The following EBF1 variants were observed in gnomAD, a reference collection of about 807,000 sequenced individuals.
EBF1 encodes EBF transcription factor 1.
A neutral mutation model predicts 68.4 loss-of-function variants in EBF1; 10 were observed. The observed-to-expected ratio is 0.15, with a 90% confidence interval of 0.09 to 0.25. The LOEUF (loss-of-function observed/expected upper bound fraction) is 0.25. Ranked by LOEUF, EBF1 falls within the 10% of genes least tolerant of loss-of-function variation. The pLI is 1.00. For synonymous variants in EBF1, 298 were observed against 299.8 expected (o/e 0.99, Z 0.06); for missense variants, 509 against 794.4 (o/e 0.64, Z 4.32).
intron 6 of EBF1, among the ~76,000 whole-genome samples, chr5:158,842,061 G>C (rs750752815): frequency 3.9e-5 from 6 of 152,184 alleles, no homozygotes; most frequent in Non-Finnish European, 7.3e-5. Context: ...ATCTGATTTT[G>C]AGCTCTCCTT....
At chr5:158,942,986 A>AGAGGAAGG (rs1367475962) in intron 6 of EBF1, among the ~76,000 whole-genome samples, 1 of 114,648 alleles carries the variant, frequency 8.7e-6, no homozygotes, top group African/African-American at 3.3e-5. Context: ...AAGGAGGAAG[A>AGAGGAAGG]GAGGAAGGGA....
At chr5:158,892,533 C>A (rs190188039) in intron 6 of EBF1, among the ~76,000 whole-genome samples, 1 of 152,290 alleles carries the variant, frequency 6.6e-6, no homozygotes. Flanking sequence ...TAAGTGCCAA[C>A]ATGACACAAG....
chr5:158,761,323 T>C (rs1468948464), intron 10 of EBF1, among the ~76,000 whole-genome samples: 3 of 152,240 alleles, frequency 2.0e-5, no homozygotes, highest in Non-Finnish European at 4.4e-5. Flanking sequence ...TGCTGTCGGT[T>C]TGCTCCAAGC....
chr5:158,740,272 C>T (rs1766048194), intron 10 of EBF1, among the ~76,000 whole-genome samples: 1 of 152,102 alleles, frequency 6.6e-6, no homozygotes. Flanking sequence ...CGAAGAAATC[C>T]TTCCCTGAGC....
chr5:158,982,582 A>C (rs1054519180), intron 6 of EBF1, among the ~76,000 whole-genome samples: 3 of 152,222 alleles, frequency 2.0e-5, no homozygotes, highest in African/African-American at 4.8e-5. Context: ...TGAATAGATG[A>C]ATTAATAACA....
chr5:158,939,865 G>A (rs558896486), intron 6 of EBF1, among the ~76,000 whole-genome samples: 60 of 152,098 alleles, frequency 3.9e-4, no homozygotes, highest in African/African-American at 1.3e-3. Context: ...CCACAGAGGC[G>A]CACAACTACC....
chr5:158,808,344 T>C (rs1419897174), intron 8 of EBF1, among the ~76,000 whole-genome samples: 2 of 152,180 alleles, frequency 1.3e-5, no homozygotes, highest in African/African-American at 4.8e-5. Context: ...TTATTAGTTA[T>C]ATGCAAAGTC....
chr5:158,848,778 G>A (rs370393078), intron 6 of EBF1, among the ~76,000 whole-genome samples: 49 of 152,306 alleles, frequency 3.2e-4, no homozygotes, highest in African/African-American at 9.4e-4. Context: ...AGAATCTCAC[G>A]TTAGAATTTC....
At chr5:158,811,972 C>A (rs114682594) in intron 8 of EBF1, among the ~76,000 whole-genome samples, 1 of 152,168 alleles carries the variant, frequency 6.6e-6, no homozygotes, top group Non-Finnish European at 1.5e-5. Context: ...TCCCCCAGTT[C>A]TAAGCTCTCT....
chr5:158,986,259 T>TA (rs1759049887), intron 6 of EBF1: 1 of 152,228 alleles, frequency 6.6e-6, no homozygotes. Context: ...CTTAGTATAA[T>TA]AGGTGGAAGT....
chr5:159,099,212 G>T, intron 1 of EBF1, 133 bp downstream of exon 1: 1 of 616,266 alleles, frequency 1.6e-6, no homozygotes, highest in Non-Finnish European at 2.3e-6. Flanking sequence ...CCGGCGGAGA[G>T]CGGAGCGCAG....
intron 6 of EBF1, among the ~76,000 whole-genome samples, chr5:158,926,075 A>G (rs539181887): frequency 3.3e-5 from 5 of 152,314 alleles, no homozygotes; most frequent in African/African-American, 7.2e-5. Context: ...TGCTTAATAC[A>G]TTTTATTTAT....
intron 6 of EBF1, among the ~76,000 whole-genome samples, chr5:158,840,669 TTTTGTTTTTTTTTTTTTTTTG>T (rs1790115558): frequency 2.4e-5 from 2 of 82,710 alleles, no homozygotes; most frequent in African/African-American, 9.3e-5. Flanking sequence ...TTTTTTTTTT[TTTTGTTTTTTTTTTTTTTTTG>T]AGACGGAGTC....
At chr5:158,787,094 AC>A (rs1777609292) in intron 9 of EBF1, among the ~76,000 whole-genome samples, 1 of 152,226 alleles carries the variant, frequency 6.6e-6, no homozygotes, top group Non-Finnish European at 1.5e-5. Context: ...AGTAAGCACT[AC>A]AAAAAACTGA....
chr5:159,097,790 G>T (rs896160843), intron 1 of EBF1, among the ~76,000 whole-genome samples: 1 of 152,238 alleles, frequency 6.6e-6, no homozygotes, highest in Non-Finnish European at 1.5e-5. Context: ...TCGCTGTTCC[G>T]CAGAAATCCT....
chr5:158,894,728 G>C (rs181536199), intron 6 of EBF1, among the ~76,000 whole-genome samples: 1 of 152,172 alleles, frequency 6.6e-6, no homozygotes, highest in Non-Finnish European at 1.5e-5. Flanking sequence ...GTAATCCAAC[G>C]TCCCTGTGTT....
At chr5:159,067,359 G>A (rs1203097494) in intron 6 of EBF1, among the ~76,000 whole-genome samples, 2 of 152,114 alleles carry the variant, frequency 1.3e-5, no homozygotes, top group African/African-American at 2.4e-5. Flanking sequence ...CTGATACCCG[G>A]GCCATGCTAC....
intron 6 of EBF1, among the ~76,000 whole-genome samples, chr5:158,881,567 G>A (rs1798909970): frequency 6.6e-6 from 1 of 152,180 alleles, no homozygotes; most frequent in African/African-American, 2.4e-5. Context: ...GTCTGTATGT[G>A]CTGCGGGCTG....
intron 5 of EBF1, among the ~76,000 whole-genome samples, chr5:159,075,923 C>T (rs1778697781): frequency 6.6e-6 from 1 of 152,188 alleles, no homozygotes; most frequent in Non-Finnish European, 1.5e-5. Context: ...TCTCCTCCAA[C>T]CCTTCCCTAG....
Sources: allele counts gnomAD v4.1 joint callset (sites outside exome capture counted in the v4.1 genomes callset), GRCh38; gene constraint gnomAD v4.1.1; transcripts MANE v1.5; gene names NCBI Gene and HGNC (gene_info 2026-07-23, HGNC 2026-07-21).